The following ARHGEF19 variants were observed in gnomAD, a reference collection of about 807,000 sequenced individuals.
ARHGEF19 encodes Rho guanine nucleotide exchange factor 19.
Under a neutral mutation model 87.6 loss-of-function variants are expected in ARHGEF19, and 92 were observed. The ratio of observed to expected loss-of-function variants is 1.05; its 90% CI spans 0.89 to 1.25. The LOEUF (loss-of-function observed/expected upper bound fraction) is 1.25. Among genes scored for constraint, ARHGEF19 ranks in the 50% most tolerant of loss-of-function variants. The pLI, the probability that ARHGEF19 is intolerant of heterozygous loss-of-function variation, is 0.00. For synonymous variants in ARHGEF19, 438 were observed against 446.2 expected, an observed-to-expected ratio of 0.98 and a Z score of 0.23; for missense variants, 1,054 against 1,051.8, an observed-to-expected ratio of 1.00 and a Z score of -0.03.
intron 1 of ARHGEF19, among the ~76,000 whole-genome samples, chr1:16,211,050 G>A (rs1178967224): frequency 6.6e-6 from 1 of 152,132 alleles, no homozygotes; most frequent in African/African-American, 2.4e-5. Flanking sequence ...GGCCACTCTG[G>A]CTTGTACCAT....
At position 16,206,937 on chromosome 1, in the gene ARHGEF19, C is replaced by A; in HGVS notation, c.1137+11G>T. 6.9e-7 allele frequency: 1 copy of A among 1,450,716 alleles called. No homozygotes were observed. The allele number at this position is 1,450,716 out of a possible 1,614,324, so 89.9% of individuals were successfully genotyped here. A position where few individuals can be genotyped will look rare whatever the true frequency, so the allele number is the denominator to read the frequency against. The stretch of plus-strand genomic sequence containing the variant: ...CCGCCCCCGCCCCGCCGGGTCCCCG[C>A]GCGCGCCCACCTCCTGCAGCTTGCA... On this transcript the variant is annotated intron_variant, in intron 6 of 15. Transcript: ENST00000270747. This position sits in a 1 kb window ranked among gnomAD's most constrained non-coding sequence, Gnocchi z 4.6.
chr1:16,205,429 G>C lies in ARHGEF19; in HGVS notation c.1582-4C>G, dbSNP rs762800795. ...GTGCTGTCCGCTTCAGGATGTTCTG[G>C]AAGGTGGGATCAGCACAATGAGGCA... On this transcript the variant is annotated splice_polypyrimidine_tract_variant and splice_region_variant and intron_variant, in intron 9 of 15. Transcript: ENST00000270747. This position sits in a 1 kb window ranked among gnomAD's most constrained non-coding sequence, Gnocchi z 5.8. 5 of 1,610,968 alleles carry C rather than the reference G, an allele frequency of 3.1e-6. No individual in the cohort carries two copies. Among genetic ancestry groups the C allele is most frequent in the Non-Finnish European group, 4.2e-6 (5 of 1,178,448 alleles).
rs2081160139 is a variant in ARHGEF19 at position 16,207,879 on chromosome 1, C to T, written c.694+65G>A. The T allele has an allele frequency of 6.3e-7, 1 of 1,582,656 alleles. No individual in the cohort carries two copies. The highest frequency in any genetic ancestry group is 8.6e-7 in the Non-Finnish European group (1 of 1,164,510). Reference sequence around the variant, plus strand: ...CGGCCTCAGGCGGCCGGTGAGTGGGCATCGCCCACCCCCACCCCCACCCGG... The same window carrying T: ...CGGCCTCAGGCGGCCGGTGAGTGGGTATCGCCCACCCCCACCCCCACCCGG... On this transcript the variant is annotated intron_variant, in intron 3 of 15. Coordinates refer to ENST00000270747, the MANE Select transcript of ARHGEF19 (RefSeq NM_153213.5). This position sits in a 1 kb window ranked among gnomAD's most constrained non-coding sequence, Gnocchi z 4.0.
Position 16,207,241 on chromosome 1 carries a change from G to A in ARHGEF19, c.875-31C>T. The A allele has an allele frequency of 1.4e-6, 2 of 1,475,718 alleles. No homozygotes were observed. The highest frequency in any genetic ancestry group is 1.8e-6 in the Non-Finnish European group (2 of 1,118,230). 91.4% of individuals were successfully genotyped at this position (1,475,718 alleles called of 1,614,324 possible). A position where few individuals can be genotyped will look rare whatever the true frequency, so the allele number is the denominator to read the frequency against. ...GGAAAGACGGGCGGGGGAGAGCGTG[G>A]GGCGCCCGCCAGCCCCTGCCCGGCT... is the stretch of plus-strand genomic sequence containing the variant. On this transcript the variant is annotated intron_variant, in intron 5 of 15. Coordinates refer to ENST00000270747, the MANE Select transcript of ARHGEF19 (RefSeq NM_153213.5). The surrounding 1 kb of genome is among the most constrained non-coding windows in gnomAD (Gnocchi z 4.0).
intron 14 of ARHGEF19, 44 bp downstream of exon 14, chr1:16,201,738 G>A (rs221037): frequency 0.27 from 423,647 of 1,591,722 alleles, 59,206 homozygotes; most frequent in Admixed American, 0.43. Flanking sequence ...GAGAGCGGGC[G>A]AGGGTCCAGC....
Position 16,206,840 on chromosome 1 carries a change from A to C in ARHGEF19, c.1137+108T>G. 6 of 1,303,356 alleles carry C rather than the reference A, an allele frequency of 4.6e-6. No individual in the cohort carries two copies. Among genetic ancestry groups the C allele is most frequent in the Non-Finnish European group, 5.0e-6 (5 of 1,009,716 alleles). The allele number at this position is 1,303,356 out of a possible 1,614,324, so 80.7% of individuals were successfully genotyped here. On this transcript the variant is annotated intron_variant, in intron 6 of 15. Coordinates refer to ENST00000270747, the MANE Select transcript of ARHGEF19 (RefSeq NM_153213.5). This position sits in a 1 kb window ranked among gnomAD's most constrained non-coding sequence, Gnocchi z 4.6. ...CTTCCGCGCGGACAGTCGCGCCAGC[A>C]ACCCCCTTTGTGTGTCCCCCTCCCT...
chr1:16,205,771 T>G lies in ARHGEF19; in HGVS notation c.1452-104A>C, dbSNP rs1482965307. On this transcript the variant is annotated intron_variant, in intron 8 of 15. Coordinates refer to ENST00000270747, the MANE Select transcript of ARHGEF19 (RefSeq NM_153213.5). This position sits in a 1 kb window ranked among gnomAD's most constrained non-coding sequence, Gnocchi z 5.8. ...CTCAGGGGGCTTCTCAGCACATCCT[T>G]ACTGCCCTTTGGGGTTGCATCTCAC... The G allele has an allele frequency of 3.3e-6, 5 of 1,495,380 alleles. No homozygotes were observed. In the East Asian group the frequency reaches 1.2e-4, roughly 37 times the overall value. The allele number at this position is 1,495,380 out of a possible 1,614,324, so 92.6% of individuals were successfully genotyped here. A position where few individuals can be genotyped will look rare whatever the true frequency, so the allele number is the denominator to read the frequency against.
Position 16,199,250 on chromosome 1 carries a change from G to A in ARHGEF19, c.2151C>T (p.Cys717=), listed in dbSNP as rs1423249386. ...ATGTCCTAACACACTGAACCTGGGG[G>A]CAATCTGACAGCCCAAGGGAGGCTC... ...DKEVISEGED[C]PQVQCVRTYK... The change falls in exon 15 of 16, where the codon TGC becomes TGT. Residue 717 remains cysteine (C), a synonymous_variant. Coordinates refer to ENST00000270747, the MANE Select transcript of ARHGEF19 (RefSeq NM_153213.5). 4 of 1,613,768 alleles carry A rather than the reference G, an allele frequency of 2.5e-6. No homozygotes were observed. The highest frequency in any genetic ancestry group is 3.4e-6 in the Non-Finnish European group (4 of 1,179,872).
intron 12 of ARHGEF19, 74 bp from the exon 13 acceptor site, chr1:16,202,648 G>A: frequency 6.4e-7 from 1 of 1,551,868 alleles, no homozygotes; most frequent in Non-Finnish European, 8.7e-7. Context: ...GGATCAGGTG[G>A]GTTCTGACTG....
In ARHGEF19 at chr1:16,199,749, C is replaced by G. The variant is rs74054952; in HGVS notation, c.2147-495G>C. The stretch of plus-strand genomic sequence containing the variant: ...GTCCTCTTAGAATAAAATCCAAAGT[C>G]CTCCCTAGGCCCTACAAGGCCCTTC... On this transcript the variant is annotated intron_variant, in intron 14 of 15. Coordinates refer to ENST00000270747, the MANE Select transcript of ARHGEF19 (RefSeq NM_153213.5). Among the ~76,000 whole-genome samples the G allele has an allele frequency of 5.6e-4, 85 of 152,278 alleles. 1 individual carries two copies. The highest frequency in any genetic ancestry group is 1.9e-3 in the African/African-American group (81 of 41,544).
rs1445120760 is a variant in ARHGEF19 at position 16,206,359 on chromosome 1, G to C, written c.1138-19C>G. On this transcript the variant is annotated intron_variant, in intron 6 of 15. Transcript: ENST00000270747. This position sits in a 1 kb window ranked among gnomAD's most constrained non-coding sequence, Gnocchi z 4.6. ...ACTTGGCCTGAGGGAGGGCACACAC[G>C]GGGTCGAAAGGGCAGGACCAGTTCA... The C allele has an allele frequency of 1.3e-6, 2 of 1,567,672 alleles. No individual in the cohort carries two copies. The highest frequency in any genetic ancestry group is 1.2e-5 in the South Asian group (1 of 85,052).
chr1:16,204,156 G>A (rs537106424), intron 12 of ARHGEF19, among the ~76,000 whole-genome samples: 4 of 152,190 alleles, frequency 2.6e-5, no homozygotes, highest in East Asian at 1.9e-4. Context: ...GTGAGCCACC[G>A]TGCCCAGCCC....
rs1384940850 is a variant in ARHGEF19, at chr1:16,206,553, AG to A, written c.1138-214del. The A allele has an allele frequency of 1.7e-6, 1 of 578,976 alleles. No homozygotes were observed. The allele number at this position is 578,976 out of a possible 1,614,324, so 35.9% of individuals were successfully genotyped here. ...TGTCCTCGATCCCGCCCCTCTCCTA[AG>A]CCCCGCCCCGACGCGTTCTTCCCAG... On this transcript the variant is annotated intron_variant, in intron 6 of 15. Transcript: ENST00000270747. The surrounding 1 kb of genome is among the most constrained non-coding windows in gnomAD (Gnocchi z 4.6).
In ARHGEF19 at chr1:16,206,116, A is replaced by G. The variant is rs1290012443; in HGVS notation, c.1299-33T>C. The G allele has an allele frequency of 1.3e-6, 2 of 1,574,490 alleles. No homozygotes were observed. ...GTCAGAGCCAGGATGGAGACCCCAGATCTGGGAGCTGGCCAACCACTGGCT... is the reference window on the plus strand; with the variant it reads ...GTCAGAGCCAGGATGGAGACCCCAGGTCTGGGAGCTGGCCAACCACTGGCT... On this transcript the variant is annotated intron_variant, in intron 7 of 15. Coordinates refer to ENST00000270747, the MANE Select transcript of ARHGEF19 (RefSeq NM_153213.5). This position sits in a 1 kb window ranked among gnomAD's most constrained non-coding sequence, Gnocchi z 4.6.
chr1:16,205,340 G>T lies in ARHGEF19; in HGVS notation c.1656+11C>A. 1 of 1,613,890 alleles carries T rather than the reference G, an allele frequency of 6.2e-7. No homozygotes were observed. Among genetic ancestry groups the T allele is most frequent in the Admixed American group, 1.7e-5 (1 of 60,008 alleles). On this transcript the variant is annotated intron_variant, in intron 10 of 15. Coordinates refer to ENST00000270747, the MANE Select transcript of ARHGEF19 (RefSeq NM_153213.5). The surrounding 1 kb of genome is among the most constrained non-coding windows in gnomAD (Gnocchi z 5.8). ...TCAGGAGCCAAGCAGCCCCTGCCCTGCCCAGCTCACCTCCTTGAGCGCATT... is the reference window on the plus strand; with the variant it reads ...TCAGGAGCCAAGCAGCCCCTGCCCTTCCCAGCTCACCTCCTTGAGCGCATT...
At chr1:16,209,193 TC>T (rs751715550) in intron 1 of ARHGEF19, 110 bp from the exon 2 acceptor site, 1 of 680,520 alleles carries the variant, frequency 1.5e-6, no homozygotes, top group Non-Finnish European at 2.1e-6. Context: ...TACACACATC[TC>T]CACAAACACA....
At chr1:16,210,167 G>C in intron 1 of ARHGEF19, among the ~76,000 whole-genome samples, 1 of 152,272 alleles carries the variant, frequency 6.6e-6, no homozygotes, top group East Asian at 1.9e-4. Flanking sequence ...CGCTGCTGAT[G>C]CTGTTTGGCT....
At chr1:16,211,412 T>C (rs2081196041) in intron 1 of ARHGEF19, among the ~76,000 whole-genome samples, 1 of 152,220 alleles carries the variant, frequency 6.6e-6, no homozygotes, top group South Asian at 2.1e-4. Flanking sequence ...ACTTGGGTTC[T>C]GGAAGCTCCT....
In ARHGEF19 at chr1:16,205,090, G is replaced by T. The variant is rs753600699; in HGVS notation, c.1743C>A (p.Gly581=). The change falls in exon 11 of 16, where the codon GGC becomes GGA. Residue 581 remains glycine (G), a synonymous_variant. Coordinates refer to ENST00000270747, the MANE Select transcript of ARHGEF19 (RefSeq NM_153213.5). The surrounding 1 kb of genome is among the most constrained non-coding windows in gnomAD (Gnocchi z 5.8). ...IHLSKKIHFE[G]KIFPLISQAR... Reference sequence around the variant, plus strand: ...CCCGCTGGCTGCAGACACACACCTTGCCCTCAAAGTGGATCTTCTTGCTCA... The same window carrying T: ...CCCGCTGGCTGCAGACACACACCTTTCCCTCAAAGTGGATCTTCTTGCTCA... 6.2e-7 allele frequency: 1 copy of T among 1,601,920 alleles called. No individual in the cohort carries two copies. Among genetic ancestry groups the T allele is most frequent in the South Asian group, 1.1e-5 (1 of 88,980 alleles).
Sources: gnomAD v4.1 joint callset for allele counts (sites outside exome capture counted in the v4.1 genomes callset) on GRCh38, gnomAD v4.1.1 for gene constraint, Gnocchi (gnomAD v3.1) non-coding constraint, MANE v1.5 for transcripts, NCBI Gene and HGNC (gene_info 2026-07-23, HGNC 2026-07-21) for gene names.